Variants in GLIS1 observed in about 807,000 individuals in gnomAD.
GLIS1 encodes GLIS family zinc finger 1, also known as zinc finger protein GLIS1.
In GLIS1, 24 loss-of-function variants were observed where a neutral mutation model predicts 63.8. That is an observed-to-expected ratio of 0.38 (90% CI 0.27 to 0.53). GLIS1 has a LOEUF of 0.53. Among genes scored for constraint, GLIS1 ranks in the 20% least tolerant of loss-of-function variants. The pLI is 0.85. For synonymous variants in GLIS1, 450 were observed against 482.5 expected, an observed-to-expected ratio of 0.93 and a Z score of 0.88; for missense variants, 1,036 against 1,074.1, an observed-to-expected ratio of 0.96 and a Z score of 0.50.
chr1:53,624,685 C>CA (rs1451384695), intron 2 of GLIS1, among the ~76,000 whole-genome samples: 17 of 152,144 alleles, frequency 1.1e-4, no homozygotes, highest in African/African-American at 3.9e-4. Context: ...GAACTACAGG[C>CA]ATGTACCACC....
chr1:53,606,889 G>A (rs902509160), intron 2 of GLIS1, among the ~76,000 whole-genome samples: 1 of 152,180 alleles, frequency 6.6e-6, no homozygotes, highest in African/African-American at 2.4e-5. Flanking sequence ...ACGGGGACTC[G>A]GGCCAGTGAA....
chr1:53,621,891 A>G (rs1043349414), intron 2 of GLIS1, among the ~76,000 whole-genome samples: 7 of 151,992 alleles, frequency 4.6e-5, no homozygotes, highest in African/African-American at 1.7e-4. Context: ...GCTCACTGCA[A>G]TCTCTGCCTC....
chr1:53,698,856 G>A lies in GLIS1; in HGVS notation c.259+38950C>T, dbSNP rs1013231475. ...GATTATCTCATCTGACCCTCATCACGAACCTGTGCGGGCAGCACCAAACCC... is the reference window on the plus strand; with the variant it reads ...GATTATCTCATCTGACCCTCATCACAAACCTGTGCGGGCAGCACCAAACCC... On this transcript the variant is annotated intron_variant, in intron 2 of 10. Transcript: ENST00000628545. 3.9e-5 allele frequency among the ~76,000 whole-genome samples: 6 copies of A among 152,046 alleles called. 1 individual carries two copies. The highest frequency in any genetic ancestry group is 7.3e-5 in the African/African-American group (3 of 41,368).
intron 4 of GLIS1, among the ~76,000 whole-genome samples, chr1:53,569,038 A>G (rs1644959990): frequency 6.6e-6 from 1 of 152,256 alleles, no homozygotes; most frequent in African/African-American, 2.4e-5. Context: ...ATATTACTAA[A>G]TGAAATATGC....
intron 4 of GLIS1, among the ~76,000 whole-genome samples, chr1:53,589,476 G>A (rs1461175418): frequency 6.6e-6 from 1 of 152,224 alleles, no homozygotes; most frequent in Admixed American, 6.5e-5. Context: ...GGGAATGACC[G>A]TGAGTTTGGC....
chr1:53,698,297 C>G (rs1376428915), intron 2 of GLIS1, among the ~76,000 whole-genome samples: 5 of 152,168 alleles, frequency 3.3e-5, no homozygotes, highest in African/African-American at 9.7e-5. Context: ...GAGTTCCAGG[C>G]AGTGATTTTC....
In GLIS1 at chr1:53,595,003, G is replaced by GT. The variant is rs1645241027; in HGVS notation, c.438-14_438-13insA. On this transcript the variant is annotated splice_polypyrimidine_tract_variant and intron_variant, in intron 3 of 10. Transcript: ENST00000628545. The stretch of plus-strand genomic sequence containing the variant: ...GGGTCTAGGTGACCTGGAAGACAGT[G>GT]CCCAGAGAGGTCATGAGAGGCTGGG... The GT allele has an allele frequency of 7.1e-7, 1 of 1,417,512 alleles. No homozygotes were observed. Among genetic ancestry groups the GT allele is most frequent in the Admixed American group, 3.1e-5 (1 of 32,190 alleles). The allele number at this position is 1,417,512 out of a possible 1,614,324, so 87.8% of individuals were successfully genotyped here.
chr1:53,626,394 C>T (rs1645594223), intron 2 of GLIS1, among the ~76,000 whole-genome samples: 2 of 152,144 alleles, frequency 1.3e-5, no homozygotes, highest in South Asian at 4.1e-4. Flanking sequence ...TCTCAGGAAC[C>T]CCCTTCTGCT....
chr1:53,529,803 G>T lies in GLIS1; in HGVS notation c.1470C>A (p.Thr490=). The change falls in exon 5 of 11, where the codon ACC becomes ACA. Residue 490 remains threonine, a synonymous_variant. Coordinates refer to ENST00000628545, the MANE Select transcript of GLIS1 (RefSeq NM_001367484.1). ...NSSDRAKHQR[T]HLDTKPYACQ... ...CTGTTGGGCCTACCGTGTCTAGGTGGGTGCGCTGGTGCTTGGCGCGGTCGC... is the reference window on the plus strand; with the variant it reads ...CTGTTGGGCCTACCGTGTCTAGGTGTGTGCGCTGGTGCTTGGCGCGGTCGC... 3.1e-6 allele frequency: 5 copies of T among 1,612,234 alleles called. No individual in the cohort carries two copies. The highest frequency in any genetic ancestry group is 4.2e-6 in the Non-Finnish European group (5 of 1,179,932).
intron 5 of GLIS1, among the ~76,000 whole-genome samples, chr1:53,525,996 C>T (rs1054045700): frequency 8.5e-5 from 13 of 152,188 alleles, no homozygotes; most frequent in African/African-American, 3.1e-4. Flanking sequence ...ATCCCAATCT[C>T]TCCCAAGGCT....
At chr1:53,679,807 G>A (rs755837805) in intron 2 of GLIS1, among the ~76,000 whole-genome samples, 7 of 152,210 alleles carry the variant, frequency 4.6e-5, no homozygotes, top group Non-Finnish European at 8.8e-5. Flanking sequence ...GACACACGGT[G>A]GACAATGCTG....
chr1:53,601,133 T>C (rs1181473878), intron 2 of GLIS1, among the ~76,000 whole-genome samples: 1 of 152,152 alleles, frequency 6.6e-6, no homozygotes, highest in African/African-American at 2.4e-5. Flanking sequence ...GACATGAATT[T>C]TGGGGGCTGA....
intron 2 of GLIS1, chr1:53,734,248 A>T (rs1294536887): frequency 3.1e-6 from 3 of 965,956 alleles, no homozygotes; most frequent in African/African-American, 1.8e-5. Context: ...TGACCTCATT[A>T]TCTGGTTTGG....
At chr1:53,519,610 A>G (rs928574433) in intron 7 of GLIS1, among the ~76,000 whole-genome samples, 2 of 152,180 alleles carry the variant, frequency 1.3e-5, no homozygotes, top group African/African-American at 4.8e-5. Context: ...TGCCTAAGCC[A>G]CAAAGCCAGG....
intron 2 of GLIS1, among the ~76,000 whole-genome samples, chr1:53,715,463 C>A (rs551207841): frequency 1.4e-3 from 214 of 152,224 alleles, no homozygotes; most frequent in Non-Finnish European, 2.5e-3. Flanking sequence ...GAGGCCAGGG[C>A]AGAAGAACAG....
intron 2 of GLIS1, among the ~76,000 whole-genome samples, chr1:53,697,705 C>T (rs1646480482): frequency 6.6e-6 from 1 of 152,198 alleles, no homozygotes; most frequent in South Asian, 2.1e-4. Context: ...AGCATATACT[C>T]GGTGCGGACA....
intron 4 of GLIS1, among the ~76,000 whole-genome samples, chr1:53,576,751 C>A (rs774352659): frequency 1.3e-5 from 2 of 152,182 alleles, no homozygotes; most frequent in Non-Finnish European, 2.9e-5. Flanking sequence ...CAAACACACA[C>A]GCCTGCATAC....
chr1:53,538,045 G>A (rs1345358799), intron 4 of GLIS1, among the ~76,000 whole-genome samples: 1 of 152,248 alleles, frequency 6.6e-6, no homozygotes, highest in East Asian at 1.9e-4. Context: ...ACTGAGGGCC[G>A]CTCCTCGCTC....
At chr1:53,520,596 T>C in intron 7 of GLIS1, 38 bp downstream of exon 7, 1 of 1,563,922 alleles carries the variant, frequency 6.4e-7, no homozygotes, top group Non-Finnish European at 8.7e-7. Flanking sequence ...AGGCCCCTCC[T>C]GGGCTACGCC....
Sources: allele counts gnomAD v4.1 joint callset (sites outside exome capture counted in the v4.1 genomes callset), GRCh38; gene constraint gnomAD v4.1.1; transcripts MANE v1.5; gene names NCBI Gene and HGNC (gene_info 2026-07-23, HGNC 2026-07-21).